UBE4B: variants seen among roughly 807,000 people sequenced by gnomAD.
The protein encoded by UBE4B is ubiquitination factor E4B.
UBE4B carries 27 observed loss-of-function variants against 148.1 expected under a neutral mutation model. The ratio of observed to expected loss-of-function variants is 0.18; its 90% CI spans 0.13 to 0.25. The LOEUF (loss-of-function observed/expected upper bound fraction) is 0.25. UBE4B is among the 10% of genes least tolerant of loss of function. UBE4B has a pLI of 1.00. For synonymous variants in UBE4B, 596 were observed against 619.3 expected (o/e 0.96, Z 0.56); for missense variants, 1,170 against 1,662.4 (o/e 0.70, Z 5.15).
At position 10,085,710 on chromosome 1, in the gene UBE4B, G is replaced by A. The variant is rs150335709; in HGVS notation, c.212-9751G>A. Among the ~76,000 whole-genome samples the A allele has an allele frequency of 1.7e-3, 252 of 152,246 alleles. 1 individual carries two copies. The highest frequency in any genetic ancestry group is 0.014 in the Middle Eastern group (4 of 294). ...AGAGAAACTGAGGTAGTAAGAACAAGTACAGAGTTCACTAACAGCGTGCAT... is the reference window on the plus strand; with the variant it reads ...AGAGAAACTGAGGTAGTAAGAACAAATACAGAGTTCACTAACAGCGTGCAT... On this transcript the variant is annotated intron_variant, in intron 2 of 27. Coordinates refer to ENST00000343090, the MANE Select transcript of UBE4B (RefSeq NM_001105562.3).
At chr1:10,167,746 C>T (rs1406783026) in intron 23 of UBE4B, among the ~76,000 whole-genome samples, 1 of 151,978 alleles carries the variant, frequency 6.6e-6, no homozygotes, top group Non-Finnish European at 1.5e-5. Flanking sequence ...CCACGCACCA[C>T]CACCCCCAGC....
rs139557744 is a variant in UBE4B at position 10,051,475 on chromosome 1, C to T, written c.24+17781C>T. ...ATGCCAACAGCATAAATAGTGGTAT[C>T]TTACTAGTTAAGGTAGCAAATAGAC... On this transcript the variant is annotated intron_variant, in intron 1 of 27. Transcript: ENST00000343090. Among the ~76,000 whole-genome samples, 51 of 152,282 alleles carry T rather than the reference C, an allele frequency of 3.3e-4. No individual in the cohort carries two copies. In the East Asian group the frequency reaches 9.3e-3, roughly 28 times the overall value.
intron 25 of UBE4B, among the ~76,000 whole-genome samples, chr1:10,174,521 T>C (rs1646387220): frequency 6.6e-6 from 1 of 151,248 alleles, no homozygotes; most frequent in Non-Finnish European, 1.5e-5. Flanking sequence ...GCTAACATGG[T>C]GAAACCCTGT....
At chr1:10,037,597 G>A (rs1209485655) in intron 1 of UBE4B, among the ~76,000 whole-genome samples, 1 of 151,910 alleles carries the variant, frequency 6.6e-6, no homozygotes, top group Non-Finnish European at 1.5e-5. Context: ...TGGCTCTATC[G>A]CCCAGTCTGG....
chr1:10,107,022 A>G (rs1645123856), intron 7 of UBE4B, among the ~76,000 whole-genome samples: 1 of 152,182 alleles, frequency 6.6e-6, no homozygotes, highest in African/African-American at 2.4e-5. Context: ...AAGCAGTATC[A>G]GAATTCCACT....
intron 1 of UBE4B, among the ~76,000 whole-genome samples, chr1:10,066,044 C>T (rs1389257931): frequency 1.4e-5 from 2 of 140,992 alleles, no homozygotes; most frequent in Non-Finnish European, 3.1e-5. Context: ...TCCCCCCCTC[C>T]TTCCCTCCCC....
At chr1:10,137,562 T>C (rs929773421) in intron 17 of UBE4B, among the ~76,000 whole-genome samples, 1 of 152,216 alleles carries the variant, frequency 6.6e-6, no homozygotes, top group Admixed American at 6.5e-5. Context: ...TTCCCTGGAC[T>C]GTGAAAAAGT....
At chr1:10,127,092 C>G (rs76757997) in intron 11 of UBE4B, among the ~76,000 whole-genome samples, 4,256 of 152,054 alleles carry the variant, frequency 0.028, 189 homozygotes, top group African/African-American at 0.098. Flanking sequence ...TATCCAAGTC[C>G]TAGACAGGAG....
intron 24 of UBE4B, 45 bp from the exon 25 acceptor site, chr1:10,171,093 T>C (rs895388271): frequency 6.4e-7 from 1 of 1,556,984 alleles, no homozygotes; most frequent in African/African-American, 1.4e-5. Flanking sequence ...TCCTTTTCAC[T>C]TGTCTCAACA....
At chr1:10,089,086 A>T (rs1251226479) in intron 2 of UBE4B, among the ~76,000 whole-genome samples, 1 of 152,054 alleles carries the variant, frequency 6.6e-6, no homozygotes, top group Non-Finnish European at 1.5e-5. Context: ...AGCTCACTGC[A>T]ACCTCTGCCT....
At chr1:10,173,244 C>T (rs1646363629) in intron 25 of UBE4B, among the ~76,000 whole-genome samples, 2 of 152,040 alleles carry the variant, frequency 1.3e-5, no homozygotes, top group South Asian at 2.1e-4. Context: ...TTTGGGAGGC[C>T]GAGGCGGGTG....
chr1:10,134,524 A>G (rs1421499335), intron 15 of UBE4B, among the ~76,000 whole-genome samples: 1 of 151,894 alleles, frequency 6.6e-6, no homozygotes, highest in Non-Finnish European at 1.5e-5. Flanking sequence ...AAAAAAAGAA[A>G]AGAAAAGAAA....
At chr1:10,077,295 C>A (rs1363043569) in intron 2 of UBE4B, among the ~76,000 whole-genome samples, 1 of 152,164 alleles carries the variant, frequency 6.6e-6, no homozygotes, top group Non-Finnish European at 1.5e-5. Flanking sequence ...CCAGTCTTCA[C>A]GTCCGTCTTC....
intron 1 of UBE4B, among the ~76,000 whole-genome samples, chr1:10,067,620 C>T (rs1175059539): frequency 7.7e-5 from 11 of 143,570 alleles, no homozygotes; most frequent in African/African-American, 2.5e-4. Flanking sequence ...ATTAGATACA[C>T]TTTTTTTTTT....
chr1:10,168,419 A>T lies in UBE4B; in HGVS notation c.3333+149A>T. On this transcript the variant is annotated intron_variant, in intron 24 of 27. Transcript: ENST00000343090. The surrounding 1 kb of genome is among the most constrained non-coding windows in gnomAD (Gnocchi z 4.9). ...TCTGTGACTGATTTTGTTCCCAGTTATGCTAATTGATACCAGACTCTGTTG... is the reference window on the plus strand; with the variant it reads ...TCTGTGACTGATTTTGTTCCCAGTTTTGCTAATTGATACCAGACTCTGTTG... 1 of 1,263,676 alleles carries T rather than the reference A, an allele frequency of 7.9e-7. No homozygotes were observed. The allele number at this position is 1,263,676 out of a possible 1,614,324, so 78.3% of individuals were successfully genotyped here. A position where few individuals can be genotyped will look rare whatever the true frequency, so the allele number is the denominator to read the frequency against.
intron 1 of UBE4B, among the ~76,000 whole-genome samples, chr1:10,043,649 C>G (rs915751537): frequency 2.0e-5 from 3 of 151,384 alleles, no homozygotes; most frequent in East Asian, 2.0e-4. Context: ...AGGATGGTCT[C>G]GAGCTCCTGA....
intron 1 of UBE4B, among the ~76,000 whole-genome samples, chr1:10,071,728 C>T (rs1254902953): frequency 6.6e-6 from 1 of 151,384 alleles, no homozygotes; most frequent in Non-Finnish European, 1.5e-5. Context: ...TGGGTTGTCA[C>T]TGCTTTGCTC....
chr1:10,073,382 A>G (rs563171122), intron 2 of UBE4B, among the ~76,000 whole-genome samples: 13 of 152,190 alleles, frequency 8.5e-5, no homozygotes, highest in African/African-American at 1.7e-4. Flanking sequence ...ACTCAGAACC[A>G]TTTGAACTAA....
chr1:10,058,404 GTACTT>G (rs1393880153), intron 1 of UBE4B, among the ~76,000 whole-genome samples: 1 of 152,124 alleles, frequency 6.6e-6, no homozygotes, highest in Non-Finnish European at 1.5e-5. Flanking sequence ...GGAAGCCTTG[GTACTT>G]TACTTGTTAG....
Sources: gnomAD v4.1 joint callset for allele counts (sites outside exome capture counted in the v4.1 genomes callset) on GRCh38, gnomAD v4.1.1 for gene constraint, Gnocchi (gnomAD v3.1) non-coding constraint, MANE v1.5 for transcripts, NCBI Gene and HGNC (gene_info 2026-07-23, HGNC 2026-07-21) for gene names.